DTNA: variants seen among roughly 807,000 people sequenced by gnomAD.
The protein encoded by DTNA is dystrophin-related protein 3.
DTNA carries 43 observed loss-of-function variants against 100.7 expected under a neutral mutation model. The ratio of observed to expected loss-of-function variants is 0.43; its 90% CI spans 0.33 to 0.55. The LOEUF (loss-of-function observed/expected upper bound fraction) is 0.55. Among genes scored for constraint, DTNA ranks in the 20% least tolerant of loss-of-function variants. DTNA has a pLI of 0.04. For synonymous variants in DTNA, 349 were observed against 347.9 expected, an observed-to-expected ratio of 1.00 and a Z score of -0.04; for missense variants, 798 against 953.9, an observed-to-expected ratio of 0.84 and a Z score of 2.15.
At chr18:34,495,033 T>A (rs1332453495) in intron 1 of DTNA, among the ~76,000 whole-genome samples, 1 of 152,194 alleles carries the variant, frequency 6.6e-6, no homozygotes, top group African/African-American at 2.4e-5. Flanking sequence ...ATTAAACAAC[T>A]TTTGCAGGTG....
chr18:34,847,709 A>G (rs915285674), intron 13 of DTNA, among the ~76,000 whole-genome samples: 2 of 152,192 alleles, frequency 1.3e-5, no homozygotes, highest in Non-Finnish European at 2.9e-5. Context: ...CAAGAGAGCT[A>G]AAGAGAAAAC....
intron 11 of DTNA, among the ~76,000 whole-genome samples, chr18:34,833,244 C>CTG (rs971191974): frequency 6.6e-6 from 1 of 152,116 alleles, no homozygotes; most frequent in Non-Finnish European, 1.5e-5. Context: ...CAGGAAGCAT[C>CTG]TGTGTGTGAT....
At chr18:34,886,090 G>C (rs2096919175) in intron 22 of DTNA, among the ~76,000 whole-genome samples, 1 of 152,200 alleles carries the variant, frequency 6.6e-6, no homozygotes, top group African/African-American at 2.4e-5. Flanking sequence ...TACTGCAGTG[G>C]ACAGTAAATG....
intron 1 of DTNA, among the ~76,000 whole-genome samples, chr18:34,726,371 A>C (rs2086695298): frequency 6.6e-6 from 1 of 152,188 alleles, no homozygotes; most frequent in Admixed American, 6.5e-5. Context: ...TCTTCCTCAT[A>C]GCCTCCAAGT....
At chr18:34,519,918 G>A (rs373832399) in intron 1 of DTNA, among the ~76,000 whole-genome samples, 8 of 152,112 alleles carry the variant, frequency 5.3e-5, no homozygotes, top group African/African-American at 9.7e-5. Flanking sequence ...CTAGGTTCTC[G>A]TCCCTTTTTC....
At chr18:34,784,961 T>A (rs2094459069) in intron 3 of DTNA, among the ~76,000 whole-genome samples, 1 of 147,002 alleles carries the variant, frequency 6.8e-6, no homozygotes, top group African/African-American at 2.5e-5. Context: ...TGAGATGGAG[T>A]CTTGCTCTGT....
At position 34,754,937 on chromosome 18, in the gene DTNA, A is replaced by G. The variant is rs1338796864; in HGVS notation, c.-1-1039A>G. On this transcript the variant is annotated intron_variant, in intron 1 of 22. Coordinates refer to ENST00000444659, the MANE Select transcript of DTNA (RefSeq NM_001386795.1). The stretch of plus-strand genomic sequence containing the variant: ...CAGCAAGTTAGCTTGGCATAGGGAG[A>G]GGACAATCCTGTCAAAAAAGAGCAT... 3.9e-5 allele frequency among the ~76,000 whole-genome samples: 6 copies of G among 152,194 alleles called. No homozygotes were observed. The East Asian group carries it at 1.2e-3, about 29-fold the overall frequency.
chr18:34,502,405 G>C (rs2040022298), intron 1 of DTNA, among the ~76,000 whole-genome samples: 1 of 152,040 alleles, frequency 6.6e-6, no homozygotes, highest in African/African-American at 2.4e-5. Context: ...TTTTCTTGGA[G>C]AAAGATAATA....
At chr18:34,503,825 AGTTT>A (rs779277941) in intron 1 of DTNA, among the ~76,000 whole-genome samples, 2 of 150,144 alleles carry the variant, frequency 1.3e-5, no homozygotes, top group South Asian at 2.1e-4. Flanking sequence ...CACTGTACAG[AGTTT>A]GTTTGTTTGT....
chr18:34,580,188 T>A (rs570811900), intron 1 of DTNA, among the ~76,000 whole-genome samples: 1 of 152,134 alleles, frequency 6.6e-6, no homozygotes, highest in African/African-American at 2.4e-5. Context: ...TGCCCATATA[T>A]CTATTGAAAT....
intron 14 of DTNA, among the ~76,000 whole-genome samples, chr18:34,850,817 A>T (rs1220963774): frequency 6.6e-6 from 1 of 152,224 alleles, no homozygotes; most frequent in African/African-American, 2.4e-5. Flanking sequence ...ACATAAACAT[A>T]CACAAACAGA....
intron 1 of DTNA, among the ~76,000 whole-genome samples, chr18:34,542,196 G>T (rs992559162): frequency 6.6e-6 from 1 of 151,926 alleles, no homozygotes; most frequent in African/African-American, 2.4e-5. Flanking sequence ...GCCTTATATT[G>T]TAGTAAGTGT....
At chr18:34,844,865 G>T (rs950169030) in intron 13 of DTNA, among the ~76,000 whole-genome samples, 5 of 152,092 alleles carry the variant, frequency 3.3e-5, no homozygotes, top group African/African-American at 1.2e-4. Flanking sequence ...CTCAGCTGGG[G>T]CCACTTGAGT....
intron 1 of DTNA, among the ~76,000 whole-genome samples, chr18:34,656,908 G>C (rs1339053626): frequency 6.6e-6 from 1 of 151,914 alleles, no homozygotes; most frequent in Non-Finnish European, 1.5e-5. Context: ...ACAGCATCTT[G>C]TTCTGTCACC....
rs112428834 is a variant in DTNA, at chr18:34,602,203, G to A, written c.-2+108689G>A. On this transcript the variant is annotated intron_variant, in intron 1 of 19. Transcript: ENST00000283365. ...GGAATTCAAAGATTGAGACACTTAA[G>A]AGTTGAAAATTTTTAAGCCAATATT... Among the ~76,000 whole-genome samples, 392 of 152,302 alleles carry A rather than the reference G, an allele frequency of 2.6e-3. 4 individuals are homozygous for A. The highest frequency in any genetic ancestry group is 8.8e-3 in the African/African-American group (364 of 41,558).
intron 1 of DTNA, among the ~76,000 whole-genome samples, chr18:34,525,423 C>G (rs1032953508): frequency 2.6e-5 from 4 of 152,142 alleles, no homozygotes; most frequent in African/African-American, 9.7e-5. Flanking sequence ...TCTTCCTTTG[C>G]CCTCTGCTGC....
At chr18:34,723,560 A>T (rs569199504) in intron 1 of DTNA, among the ~76,000 whole-genome samples, 1 of 152,322 alleles carries the variant, frequency 6.6e-6, no homozygotes, top group African/African-American at 2.4e-5. Flanking sequence ...GAGAATACAA[A>T]GGCAATAAAA....
chr18:34,883,130 A>T (rs1156340324), intron 21 of DTNA, among the ~76,000 whole-genome samples: 1 of 152,080 alleles, frequency 6.6e-6, no homozygotes, highest in East Asian at 1.9e-4. Context: ...TCGTTCTACT[A>T]CCTTGTTTGT....
At chr18:34,765,687 A>G (rs1463890835) in intron 2 of DTNA, among the ~76,000 whole-genome samples, 2 of 152,304 alleles carry the variant, frequency 1.3e-5, no homozygotes, top group South Asian at 2.1e-4. Context: ...GAAGTGGTGG[A>G]CACAACAGGG....
Sources: allele counts gnomAD v4.1 joint callset (sites outside exome capture counted in the v4.1 genomes callset), GRCh38; gene constraint gnomAD v4.1.1; transcripts MANE v1.5; gene names NCBI Gene and HGNC (gene_info 2026-07-23, HGNC 2026-07-21).